FAM13A: variants seen among roughly 807,000 people sequenced by gnomAD.
The protein encoded by FAM13A is family with sequence similarity 13 member A, also known as protein FAM13A.
In FAM13A, 76 loss-of-function variants were observed where a neutral mutation model predicts 129.6. The ratio of observed to expected loss-of-function variants is 0.59; its 90% CI spans 0.49 to 0.71. The LOEUF is 0.71. Among genes scored for constraint, FAM13A ranks in the 30% least tolerant of loss-of-function variants. The pLI, the probability that FAM13A is intolerant of heterozygous loss-of-function variation, is 0.00. For missense variants in FAM13A, 1,108 were observed against 1,249.3 expected (o/e 0.89, Z 1.70); for synonymous variants, 443 against 449.9 (o/e 0.98, Z 0.20).
intron 1 of FAM13A, among the ~76,000 whole-genome samples, chr4:89,050,494 C>T (rs999316613): frequency 1.3e-4 from 20 of 152,180 alleles, no homozygotes; most frequent in African/African-American, 3.4e-4. Context: ...GTGTGAGCCA[C>T]TGTGCCTGGA....
At position 89,030,100 on chromosome 4, in the gene FAM13A, T is replaced by C. The variant is rs189401467; in HGVS notation, c.28-451A>G. Among the ~76,000 whole-genome samples the C allele has an allele frequency of 7.2e-4, 110 of 152,224 alleles. 2 individuals carry two copies. In the East Asian group the frequency reaches 0.021, roughly 29 times the overall value. The stretch of plus-strand genomic sequence containing the variant: ...AAAGTGTCAGAAAAAAAAATTACAA[T>C]GACCATTCTTCATCTATAATGACCA... On this transcript the variant is annotated intron_variant, in intron 1 of 23. Coordinates refer to ENST00000264344, the MANE Select transcript of FAM13A (RefSeq NM_014883.4).
intron 7 of FAM13A, among the ~76,000 whole-genome samples, chr4:88,824,863 A>G (rs2149851297): frequency 6.6e-6 from 1 of 152,110 alleles, no homozygotes; most frequent in African/African-American, 2.4e-5. Context: ...GCCCGCCACC[A>G]TGACTGGCTA....
At chr4:88,841,105 C>T (rs1735731209) in intron 7 of FAM13A, among the ~76,000 whole-genome samples, 1 of 152,038 alleles carries the variant, frequency 6.6e-6, no homozygotes, top group South Asian at 2.1e-4. Context: ...CATTATGCAA[C>T]AGTTTATTAG....
intron 6 of FAM13A, among the ~76,000 whole-genome samples, chr4:88,883,106 C>T (rs1396141187): frequency 6.6e-6 from 1 of 152,008 alleles, no homozygotes; most frequent in Non-Finnish European, 1.5e-5. Context: ...GACAGGTCAT[C>T]AAGACAGAAA....
intron 4 of FAM13A, among the ~76,000 whole-genome samples, chr4:88,965,572 T>TA (rs34500736): frequency 9.3e-5 from 14 of 151,274 alleles, no homozygotes; most frequent in South Asian, 6.3e-4. Flanking sequence ...TTTTTTAAGT[T>TA]AAAAAAAAAC....
At chr4:88,853,868 C>T (rs1197837948) in intron 6 of FAM13A, among the ~76,000 whole-genome samples, 1 of 152,178 alleles carries the variant, frequency 6.6e-6, no homozygotes, top group Admixed American at 6.5e-5. Context: ...TTCAAGCCTC[C>T]ATCTTTCTCC....
intron 3 of FAM13A, among the ~76,000 whole-genome samples, chr4:89,014,539 C>T (rs922630662): frequency 6.6e-6 from 1 of 152,132 alleles, no homozygotes; most frequent in Non-Finnish European, 1.5e-5. Flanking sequence ...AATGGAGGGA[C>T]CAGCTGAAGC....
Position 88,741,541 on chromosome 4 carries a change from G to GT in FAM13A, c.2467-2417dup, listed in dbSNP as rs1740259687. Reference sequence around the variant, plus strand: ...GCTTCTGGAGGATCGGCAACGTTTTGTTTTTTGATATGGGTGCTGGTTACC... The same window carrying GT: ...GCTTCTGGAGGATCGGCAACGTTTTGTTTTTTTGATATGGGTGCTGGTTACC... On this transcript the variant is annotated intron_variant, in intron 19 of 23. Transcript: ENST00000264344. 2.6e-5 allele frequency among the ~76,000 whole-genome samples: 4 copies of GT among 152,282 alleles called. No homozygotes were observed. The South Asian group carries it at 8.3e-4, about 32-fold the overall frequency.
At chr4:89,001,509 GA>G (rs1764241002) in intron 3 of FAM13A, among the ~76,000 whole-genome samples, 1 of 152,268 alleles carries the variant, frequency 6.6e-6, no homozygotes, top group Middle Eastern at 3.4e-3. Flanking sequence ...GTTTCTCGCA[GA>G]AACAGATATT....
At position 88,950,482 on chromosome 4, in the gene FAM13A, T is replaced by C. The variant is rs192515673; in HGVS notation, c.606-12241A>G. On this transcript the variant is annotated intron_variant, in intron 4 of 23. Coordinates refer to ENST00000264344, the MANE Select transcript of FAM13A (RefSeq NM_014883.4). Reference sequence around the variant, plus strand: ...ATAGAAGCACATGATAATTGGGATATAATTACTATCATTTTTAGTTCTCAA... The same window carrying C: ...ATAGAAGCACATGATAATTGGGATACAATTACTATCATTTTTAGTTCTCAA... Among the ~76,000 whole-genome samples the C allele has an allele frequency of 4.5e-3, 686 of 152,336 alleles. 6 individuals carry two copies. The highest frequency in any genetic ancestry group is 0.015 in the African/African-American group (631 of 41,584).
chr4:88,810,721 T>C (rs987277212), intron 7 of FAM13A, among the ~76,000 whole-genome samples: 1 of 152,138 alleles, frequency 6.6e-6, no homozygotes, highest in Non-Finnish European at 1.5e-5. Context: ...TATTCAAAAG[T>C]CTATCTAACC....
chr4:88,995,715 A>G (rs888671246), intron 3 of FAM13A, among the ~76,000 whole-genome samples: 2 of 152,000 alleles, frequency 1.3e-5, no homozygotes, highest in Non-Finnish European at 2.9e-5. Flanking sequence ...CTATTGTGGG[A>G]CTTCACCTTG....
intron 6 of FAM13A, among the ~76,000 whole-genome samples, chr4:88,895,394 G>T (rs1348719366): frequency 6.6e-6 from 1 of 151,734 alleles, no homozygotes; most frequent in Non-Finnish European, 1.5e-5. Context: ...AAAAGCAATG[G>T]CAACAAAAGA....
intron 4 of FAM13A, among the ~76,000 whole-genome samples, chr4:88,964,388 T>C (rs1307386403): frequency 6.6e-6 from 1 of 152,108 alleles, no homozygotes; most frequent in African/African-American, 2.4e-5. Context: ...AGGTAGGTCA[T>C]TGTGTATTTT....
At position 89,057,143 on chromosome 4, in the gene FAM13A, T is replaced by G. The variant is rs1772293061; in HGVS notation, c.-179A>C. On this transcript the variant is annotated 5_prime_UTR_variant, in exon 1 of 24. Coordinates refer to ENST00000264344, the MANE Select transcript of FAM13A (RefSeq NM_014883.4). ...ATTTTAGGAAGAGTGGTTTTGCTTC[T>G]CTTTCCGCTGAACCCACATGGCTGG... 2 of 1,440,938 alleles carry G rather than the reference T, an allele frequency of 1.4e-6. No homozygotes were observed. The highest frequency in any genetic ancestry group is 2.9e-5 in the African/African-American group (2 of 69,352). The allele number at this position is 1,440,938 out of a possible 1,614,324, so 89.3% of individuals were successfully genotyped here.
At chr4:89,018,019 T>C (rs1766740674) in intron 3 of FAM13A, among the ~76,000 whole-genome samples, 1 of 152,180 alleles carries the variant, frequency 6.6e-6, no homozygotes, top group South Asian at 2.1e-4. Flanking sequence ...AATCATTTTT[T>C]TCAAAAATGA....
intron 1 of FAM13A, 187 bp from the exon 2 acceptor site, chr4:89,029,836 T>G: frequency 1.6e-6 from 1 of 615,674 alleles, no homozygotes; most frequent in Non-Finnish European, 2.8e-6. Context: ...TTAAAAGGAC[T>G]GAAAAGTAAT....
intron 19 of FAM13A, 70 bp downstream of exon 19, chr4:88,746,862 C>T (rs964459546): frequency 3.9e-6 from 4 of 1,018,990 alleles, no homozygotes; most frequent in Non-Finnish European, 6.2e-6. Context: ...TTGTAAAATA[C>T]TGAACATAGA....
intron 6 of FAM13A, among the ~76,000 whole-genome samples, chr4:88,868,556 T>G (rs1365553821): frequency 2.0e-5 from 3 of 152,154 alleles, no homozygotes; most frequent in Non-Finnish European, 4.4e-5. Flanking sequence ...TTAAAACTGT[T>G]CAGTGGCTTT....
Sources: allele counts gnomAD v4.1 joint callset (sites outside exome capture counted in the v4.1 genomes callset), GRCh38; gene constraint gnomAD v4.1.1; transcripts MANE v1.5; gene names NCBI Gene and HGNC (gene_info 2026-07-23, HGNC 2026-07-21).